TCTN1: variants seen among roughly 807,000 people sequenced by gnomAD.
The protein encoded by TCTN1 is tectonic family member 1, also known as tectonic-1.
TCTN1 carries 58 observed loss-of-function variants against 65.8 expected under a neutral mutation model. The ratio of observed to expected loss-of-function variants is 0.88; its 90% CI spans 0.71 to 1.10. The LOEUF is 1.10. Among genes scored for constraint, TCTN1 ranks in the 50% least tolerant of loss-of-function variants. The pLI is 0.00. For synonymous variants in TCTN1, 273 were observed against 289.1 expected (o/e 0.94, Z 0.57); for missense variants, 645 against 719.4 (o/e 0.90, Z 1.18).
chr12:110,647,750 C>T lies in TCTN1; in HGVS notation c.1637C>T (p.Ala546Val). ...ANLISSSFPE[A>V]NSGNERTILI... ...CTTGCATCTCTCTGTTTATTACAGG[C>T]CAACTCAGGAAATGAAAGGACGATT... Residue 546 changes from alanine to valine, a missense_variant and splice_region_variant, in exon 14 of 15, where the codon GCC (alanine) becomes GTC (valine). Ala to Val is a moderately conservative substitution (Grantham distance 64). Transcript: ENST00000397659. The T allele has an allele frequency of 6.2e-7, 1 of 1,614,194 alleles. No individual in the cohort carries two copies. The highest frequency in any genetic ancestry group is 1.6e-4 in the Middle Eastern group (1 of 6,062).
At chr12:110,619,323 A>G (rs1039990149) in intron 1 of TCTN1, among the ~76,000 whole-genome samples, 1 of 152,134 alleles carries the variant, frequency 6.6e-6, no homozygotes, top group Non-Finnish European at 1.5e-5. Flanking sequence ...TGTGAATATG[A>G]GTTCAGCTTT....
intron 7 of TCTN1, among the ~76,000 whole-genome samples, chr12:110,638,869 T>C (rs1361547135): frequency 6.6e-6 from 1 of 152,192 alleles, no homozygotes; most frequent in Non-Finnish European, 1.5e-5. Context: ...CAAGAGCTAA[T>C]TGAATAACAG....
intron 1 of TCTN1, 69 bp from the exon 2 acceptor site, chr12:110,619,765 CTG>C: frequency 3.1e-6 from 5 of 1,608,806 alleles, no homozygotes; most frequent in Non-Finnish European, 4.2e-6. Flanking sequence ...TTATGGTACA[CTG>C]TGGTGGCAGG....
Position 110,649,255 on chromosome 12 carries a change from A to G in TCTN1, c.*214A>G. 1 of 684,250 alleles carries G rather than the reference A, an allele frequency of 1.5e-6. No individual in the cohort carries two copies. Among genetic ancestry groups the G allele is most frequent in the Non-Finnish European group, 2.7e-6 (1 of 375,654 alleles). The allele number at this position is 684,250 out of a possible 1,614,324, so 42.4% of individuals were successfully genotyped here. A position where few individuals can be genotyped will look rare whatever the true frequency, so the allele number is the denominator to read the frequency against. On this transcript the variant is annotated 3_prime_UTR_variant, in exon 15 of 15. Coordinates refer to ENST00000397659, the MANE Select transcript of TCTN1 (RefSeq NM_001082538.3). ...CTCTTGGTGGTACTGGACCTTCCAC[A>G]AGGCTGTGTCCACCCAGAATCCATG...
At chr12:110,636,859 G>A (rs1220572800) in intron 7 of TCTN1, among the ~76,000 whole-genome samples, 2 of 152,254 alleles carry the variant, frequency 1.3e-5, no homozygotes, top group Non-Finnish European at 2.9e-5. Flanking sequence ...TGCCCGTCCA[G>A]GGCAGAAGCC....
Position 110,626,491 on chromosome 12 carries a change from CTG to C in TCTN1, c.472+1_472+2del. The C allele has an allele frequency of 6.2e-7, 1 of 1,611,834 alleles. No individual in the cohort carries two copies. On this transcript the variant is annotated splice_donor_variant and coding_sequence_variant, in exon 3 of 15. Coordinates refer to ENST00000397659, the MANE Select transcript of TCTN1 (RefSeq NM_001082538.3). LOFTEE classifies it high-confidence loss of function. The stretch of plus-strand genomic sequence containing the variant: ...CTATTTTCTGCATTCATATTACAAA[CTG>C]TAAGTATTTGACATTGATATATTTT...
intron 5 of TCTN1, among the ~76,000 whole-genome samples, chr12:110,633,548 G>T (rs1453595423): frequency 6.6e-6 from 1 of 151,750 alleles, no homozygotes; most frequent in Non-Finnish European, 1.5e-5. Context: ...GAGGTAGGAG[G>T]ATTGCTTGAG....
rs765113016 is a variant in TCTN1 at position 110,634,830 on chromosome 12, T to C, written c.822+51T>C. On this transcript the variant is annotated intron_variant, in intron 6 of 14. Coordinates refer to ENST00000397659, the MANE Select transcript of TCTN1 (RefSeq NM_001082538.3). Reference sequence around the variant, plus strand: ...TACTCATTAGGTATGTTTCTGTTCTTTCTGCGCTTTTAAAATATGACAAGT... The same window carrying C: ...TACTCATTAGGTATGTTTCTGTTCTCTCTGCGCTTTTAAAATATGACAAGT... The C allele has an allele frequency of 1.8e-5, 25 of 1,387,556 alleles. No homozygotes were observed. In the African/African-American group the frequency reaches 3.1e-4, roughly 17 times the overall value. The allele number at this position is 1,387,556 out of a possible 1,614,324, so 86.0% of individuals were successfully genotyped here. A position where few individuals can be genotyped will look rare whatever the true frequency, so the allele number is the denominator to read the frequency against.
chr12:110,646,595 C>G (rs1219974202), intron 12 of TCTN1: 1 of 154,374 alleles, frequency 6.5e-6, no homozygotes. Flanking sequence ...GCCAAAGCAG[C>G]CAACCAAAGG....
At position 110,614,377 on chromosome 12, in the gene TCTN1, C is replaced by A. The variant is rs1371108339; in HGVS notation, c.195C>A (p.Gly65=). 6.2e-7 allele frequency: 1 copy of A among 1,603,720 alleles called. No individual in the cohort carries two copies. Among genetic ancestry groups the A allele is most frequent in the Non-Finnish European group, 8.5e-7 (1 of 1,175,756 alleles). Residue 65 remains glycine (G), a synonymous_variant, in exon 1 of 15, where the codon GGC becomes GGA. Transcript: ENST00000397659. ...CCAGGGCTCCAGGGCCCTCCTCCGG[C>A]CCCAGGCCTACCCCAGTCACGGACG... ...GTPRAPGPSS[G]PRPTPVTDVA...
rs535796315 is a variant in TCTN1 at position 110,626,649 on chromosome 12, G to A, written c.472+157G>A. ...GGCTGGCGTGCAGTGGCGCAATCTC[G>A]GCTCACTGAAACCTCCACCTCCCAG... On this transcript the variant is annotated intron_variant, in intron 3 of 14. Transcript: ENST00000397659. Among the ~76,000 whole-genome samples, 1,092 of 151,938 alleles carry A rather than the reference G, an allele frequency of 7.2e-3. 6 individuals are homozygous for A. The highest frequency in any genetic ancestry group is 0.013 in the Non-Finnish European group (869 of 67,964).
intron 14 of TCTN1, chr12:110,648,821 A>G (rs531608448): frequency 3.0e-6 from 1 of 337,020 alleles, no homozygotes; most frequent in African/African-American, 2.2e-5. Flanking sequence ...TAGTTGTTTT[A>G]TTTTATACAG....
At chr12:110,617,622 A>C (rs1319058945) in intron 1 of TCTN1, among the ~76,000 whole-genome samples, 1 of 146,512 alleles carries the variant, frequency 6.8e-6, no homozygotes, top group Non-Finnish European at 1.5e-5. Flanking sequence ...TATGGGATAC[A>C]TTTTTCTTTT....
Position 110,640,908 on chromosome 12 carries a change from G to C in TCTN1, c.979-116G>C. ...TAATCCAACTGGACAGCAGAGCAAG[G>C]CTTCAACACATGGAGAAACAGGGAA... On this transcript the variant is annotated intron_variant, in intron 8 of 14. Coordinates refer to ENST00000397659, the MANE Select transcript of TCTN1 (RefSeq NM_001082538.3). The surrounding 1 kb of genome is among the most constrained non-coding windows in gnomAD (Gnocchi z 4.9). The C allele has an allele frequency of 4.1e-6, 6 of 1,450,220 alleles. No individual in the cohort carries two copies. The highest frequency in any genetic ancestry group is 1.4e-5 in the African/African-American group (1 of 71,844). The allele number at this position is 1,450,220 out of a possible 1,614,324, so 89.8% of individuals were successfully genotyped here.
At chr12:110,622,036 G>C (rs1449901529) in intron 2 of TCTN1, among the ~76,000 whole-genome samples, 1 of 151,976 alleles carries the variant, frequency 6.6e-6, no homozygotes, top group Non-Finnish European at 1.5e-5. Flanking sequence ...TACTCAGGGG[G>C]CTGAGGTGGG....
intron 4 of TCTN1, among the ~76,000 whole-genome samples, chr12:110,631,717 G>A (rs2066249853): frequency 6.6e-6 from 1 of 152,152 alleles, no homozygotes; most frequent in Non-Finnish European, 1.5e-5. Context: ...CATGTTTCCA[G>A]TTTTTGCTGT....
At chr12:110,631,967 G>A (rs1404302458) in intron 4 of TCTN1, among the ~76,000 whole-genome samples, 2 of 152,126 alleles carry the variant, frequency 1.3e-5, no homozygotes, top group African/African-American at 4.8e-5. Context: ...TTTCAAGTTC[G>A]AGAAAATTGG....
chr12:110,620,301 G>A (rs891930605), intron 2 of TCTN1, among the ~76,000 whole-genome samples: 5 of 151,930 alleles, frequency 3.3e-5, no homozygotes, highest in Admixed American at 2.6e-4. Context: ...CCAGCTACTC[G>A]GGAGGCTGAG....
Position 110,640,556 on chromosome 12 carries a change from A to G in TCTN1, c.978+39A>G, listed in dbSNP as rs755416077. On this transcript the variant is annotated intron_variant, in intron 8 of 14. Coordinates refer to ENST00000397659, the MANE Select transcript of TCTN1 (RefSeq NM_001082538.3). This position sits in a 1 kb window ranked among gnomAD's most constrained non-coding sequence, Gnocchi z 4.9. ...TTGGCTTTGAGAGCTTGTCTGTGGC[A>G]GACTTAAGCCTCTTGTTGCGCCGGG... The G allele has an allele frequency of 1.6e-5, 26 of 1,613,840 alleles. No homozygotes were observed. The South Asian group carries it at 2.7e-4, about 17-fold the overall frequency.
Sources: gnomAD v4.1 joint callset for allele counts (sites outside exome capture counted in the v4.1 genomes callset) on GRCh38, gnomAD v4.1.1 for gene constraint, Gnocchi (gnomAD v3.1) non-coding constraint, MANE v1.5 for transcripts, NCBI Gene and HGNC (gene_info 2026-07-23, HGNC 2026-07-21) for gene names.